The following PLA2R1 variants were observed in gnomAD, a reference collection of about 807,000 sequenced individuals.
PLA2R1 encodes secretory phospholipase A2 receptor.
A neutral mutation model predicts 195.9 loss-of-function variants in PLA2R1; 158 were observed. The ratio of observed to expected loss-of-function variants is 0.81; its 90% CI spans 0.71 to 0.92. The LOEUF (loss-of-function observed/expected upper bound fraction) is 0.92, where lower values mean the gene tolerates loss of function less well. Ranked by LOEUF, PLA2R1 falls within the 40% of genes least tolerant of loss-of-function variation. The probability of loss-of-function intolerance (pLI) is 0.00; values close to 1 mark genes in which losing one functional copy is unlikely to be tolerated. For missense variants in PLA2R1, 1,626 were observed against 1,764.6 expected, an observed-to-expected ratio of 0.92 and a Z score of 1.41; for synonymous variants, 586 against 598.2, an observed-to-expected ratio of 0.98 and a Z score of 0.30.
At chr2:159,962,531 T>C (rs1209309617) in intron 20 of PLA2R1, among the ~76,000 whole-genome samples, 1 of 152,232 alleles carries the variant, frequency 6.6e-6, no homozygotes, top group Non-Finnish European at 1.5e-5. Flanking sequence ...ATCCCATTAC[T>C]GGGTATATAC....
chr2:159,983,847 C>T, intron 13 of PLA2R1, 81 bp downstream of exon 13: 1 of 657,082 alleles, frequency 1.5e-6, no homozygotes, highest in Non-Finnish European at 2.6e-6. Flanking sequence ...TAAACAACTA[C>T]TTGGGATACT....
chr2:160,023,460 G>A (rs1806935), intron 6 of PLA2R1, among the ~76,000 whole-genome samples: 75,141 of 151,934 alleles, frequency 0.49, 19,319 homozygotes, highest in Non-Finnish European at 0.57. Context: ...TTTACAAGCT[G>A]TGGCAACATC....
rs139730358 is a variant in PLA2R1, at chr2:159,933,221, C to T, written c.*8557G>A. The T allele has an allele frequency of 5.1e-4, 77 of 152,192 alleles. No individual in the cohort carries two copies. Among genetic ancestry groups the T allele is most frequent in the African/African-American group, 1.8e-3 (74 of 41,512 alleles). The allele number at this position is 152,192 out of a possible 1,614,324, so 9.4% of individuals were successfully genotyped here. On this transcript the variant is annotated 3_prime_UTR_variant, in exon 30 of 30. Coordinates refer to ENST00000283243, the MANE Select transcript of PLA2R1 (RefSeq NM_007366.5). ...ATTAATTCTGAGTAAAGAAGGTCAC[C>T]GGTATACATAGGGTTCATTTTGTGG...
Position 159,993,341 on chromosome 2 carries a change from A to G in PLA2R1, c.1835-5983T>C, listed in dbSNP as rs372564418. ...AACAGGATTTTCTGGTGTTTTGAGA[A>G]TGGGAAATTTGGCATGAAAGAAAGG... On this transcript the variant is annotated intron_variant, in intron 11 of 29. Transcript: ENST00000283243. Among the ~76,000 whole-genome samples, 540 of 152,142 alleles carry G rather than the reference A, an allele frequency of 3.5e-3. 4 individuals carry two copies. Among genetic ancestry groups the G allele is most frequent in the Middle Eastern group, 0.014 (4 of 294 alleles).
chr2:159,970,684 T>C, intron 17 of PLA2R1, among the ~76,000 whole-genome samples: 1 of 152,190 alleles, frequency 6.6e-6, no homozygotes, highest in East Asian at 1.9e-4. Context: ...CTTTAAGCAG[T>C]ATAAGCTTTC....
intron 20 of PLA2R1, among the ~76,000 whole-genome samples, chr2:159,967,185 G>A (rs894802350): frequency 3.3e-5 from 5 of 151,892 alleles, no homozygotes; most frequent in East Asian, 3.8e-4. Flanking sequence ...GCACACACAC[G>A]CACGCACATG....
At chr2:159,958,002 C>T (rs1045755393) in intron 20 of PLA2R1, among the ~76,000 whole-genome samples, 7 of 152,134 alleles carry the variant, frequency 4.6e-5, no homozygotes, top group African/African-American at 9.7e-5. Context: ...TCTAGGTTAG[C>T]GTGGAAACCT....
chr2:159,987,247 T>G lies in PLA2R1; in HGVS notation c.1946A>C (p.Asn649Thr). The change falls in exon 12 of 30, where the codon AAT becomes ACT. Residue 649 changes from asparagine (N) to threonine (T), a missense_variant. Asn to Thr is a moderately conservative substitution (Grantham distance 65, BLOSUM62 0). Coordinates refer to ENST00000283243, the MANE Select transcript of PLA2R1 (RefSeq NM_007366.5). The stretch of plus-strand genomic sequence containing the variant: ...CTCTTCATACTCTGCTTTTTCCTGA[T>G]TTTCAACTGGCTGCTTGCACAAGGA... ...AMSLCKQPVE[N>T]QEKAEYEERW... The G allele has an allele frequency of 1.2e-6, 2 of 1,613,862 alleles. No homozygotes were observed.
Position 159,944,970 on chromosome 2 carries a change from A to G in PLA2R1, c.4080T>C (p.Pro1360=). 7 of 1,613,594 alleles carry G rather than the reference A, an allele frequency of 4.3e-6. No homozygotes were observed. Among genetic ancestry groups the G allele is most frequent in the Non-Finnish European group, 5.9e-6 (7 of 1,179,682 alleles). ...ACGGGGATAGCTGCCATAATCCTTCAGGGATCCTCAAGGCAACACAATGAT... is the reference window on the plus strand; with the variant it reads ...ACGGGGATAGCTGCCATAATCCTTCGGGGATCCTCAAGGCAACACAATGAT... ...KPHHCVALRI[P]EGLWQLSPCQ... is the part of the protein sequence containing the mutation. The change falls in exon 28 of 30, where the codon CCT becomes CCC. Residue 1360 remains proline (P), a synonymous_variant. Transcript: ENST00000283243.
In PLA2R1 at chr2:159,945,139, A is replaced by T. The variant is rs2125919275; in HGVS notation, c.3968-57T>A. The T allele has an allele frequency of 2.7e-6, 3 of 1,101,488 alleles. No individual in the cohort carries two copies. In the Middle Eastern group the frequency reaches 6.4e-4, roughly 234 times the overall value. 68.2% of individuals were successfully genotyped at this position (1,101,488 alleles called of 1,614,324 possible). ...ATGTGCATGGTTATCAAACATACTAAGACTGGAATTAACCATAAAAAGCAG... is the reference window on the plus strand; with the variant it reads ...ATGTGCATGGTTATCAAACATACTATGACTGGAATTAACCATAAAAAGCAG... On this transcript the variant is annotated intron_variant, in intron 27 of 29. Transcript: ENST00000283243.
intron 17 of PLA2R1, among the ~76,000 whole-genome samples, chr2:159,975,830 A>G (rs1383920740): frequency 6.6e-6 from 1 of 152,150 alleles, no homozygotes. Flanking sequence ...CTAACAAAGA[A>G]TGAAGAGAAG....
Position 160,005,651 on chromosome 2 carries a change from C to G in PLA2R1, c.1834+1G>C, listed in dbSNP as rs775745800. On this transcript the variant is annotated splice_donor_variant, in intron 11 of 29. Coordinates refer to ENST00000283243, the MANE Select transcript of PLA2R1 (RefSeq NM_007366.5). LOFTEE classifies it high-confidence loss of function. ...TTGGTGATGCAGCACACTCTACTCA[C>G]GCGGCTGGTGTGTGTTCCAGTGTGT... 8.1e-6 allele frequency: 13 copies of G among 1,612,320 alleles called. No individual in the cohort carries two copies. Among genetic ancestry groups the G allele is most frequent in the Middle Eastern group, 3.3e-4 (2 of 6,078 alleles).
At chr2:160,062,182 G>A in intron 1 of PLA2R1, 113 bp downstream of exon 1, 2 of 795,714 alleles carry the variant, frequency 2.5e-6, no homozygotes, top group Non-Finnish European at 3.9e-6. Flanking sequence ...TACAAACGCG[G>A]CCGCCCTTGC....
chr2:159,941,925 T>C lies in PLA2R1; in HGVS notation c.4245A>G (p.Thr1415=), dbSNP rs1322453513. 8.7e-6 allele frequency: 14 copies of C among 1,613,844 alleles called. No individual in the cohort carries two copies. The highest frequency in any genetic ancestry group is 1.3e-5 in the African/African-American group (1 of 74,926). The change falls in exon 30 of 30, where the codon ACA becomes ACG. Residue 1415 remains threonine (T), a synonymous_variant. Coordinates refer to ENST00000283243, the MANE Select transcript of PLA2R1 (RefSeq NM_007366.5). ...LTLIVIVAIC[T]LSFCIYKHNG... Reference sequence around the variant, plus strand: ...TATGCTTGTATATGCAGAAGGAAAGTGTGCAAATGGCCACAATGACTATCA... The same window carrying C: ...TATGCTTGTATATGCAGAAGGAAAGCGTGCAAATGGCCACAATGACTATCA...
chr2:160,025,137 T>C (rs576058345), intron 6 of PLA2R1, among the ~76,000 whole-genome samples: 2 of 152,258 alleles, frequency 1.3e-5, no homozygotes, highest in South Asian at 4.1e-4. Flanking sequence ...AAATTCAGAA[T>C]GTTCAAATAC....
chr2:159,950,728 T>C (rs1273671337), intron 24 of PLA2R1, among the ~76,000 whole-genome samples: 5 of 152,182 alleles, frequency 3.3e-5, no homozygotes, highest in African/African-American at 2.4e-5. Flanking sequence ...TGTGTATACA[T>C]GGAAAATTTC....
Position 159,970,148 on chromosome 2 carries a change from C to G in PLA2R1, c.2660G>C (p.Arg887Pro). Residue 887 changes from arginine (R) to proline (P), a missense_variant and splice_region_variant, in exon 18 of 30, where the codon CGC (arginine) becomes CCC (proline). Physicochemically the swap from Arg to Pro is moderately radical, Grantham distance 103 (BLOSUM62 -2). Transcript: ENST00000283243. ...LQEERANDEF[R>P]WRDGTPVIYQ... ...AATGCAAATGAATCTAGGTTCATAC[C>G]GAAATTCATCATTGGCTCTTTCTTC... 6.3e-7 allele frequency: 1 copy of G among 1,595,194 alleles called. No individual in the cohort carries two copies. The highest frequency in any genetic ancestry group is 8.6e-7 in the Non-Finnish European group (1 of 1,165,704).
At chr2:159,998,155 G>A (rs1264612599) in intron 11 of PLA2R1, among the ~76,000 whole-genome samples, 1 of 152,116 alleles carries the variant, frequency 6.6e-6, no homozygotes, top group Non-Finnish European at 1.5e-5. Context: ...AATAGGTCCT[G>A]CATCTTAGAA....
intron 1 of PLA2R1, among the ~76,000 whole-genome samples, chr2:160,045,866 A>G (rs1694828062): frequency 6.6e-6 from 1 of 152,160 alleles, no homozygotes; most frequent in African/African-American, 2.4e-5. Flanking sequence ...GAGGTGACGG[A>G]CCACCATTAC....
Sources: gnomAD v4.1 joint callset for allele counts (sites outside exome capture counted in the v4.1 genomes callset) on GRCh38, gnomAD v4.1.1 for gene constraint, MANE v1.5 for transcripts, NCBI Gene and HGNC (gene_info 2026-07-23, HGNC 2026-07-21) for gene names.